Variants in CACNA1E observed in about 807,000 individuals in gnomAD.
CACNA1E encodes voltage-dependent R-type calcium channel subunit alpha-1E.
A neutral mutation model predicts 259.2 loss-of-function variants in CACNA1E; 40 were observed. The observed-to-expected ratio is 0.15, with a 90% confidence interval of 0.12 to 0.20. The LOEUF is 0.20. Ranked by LOEUF, CACNA1E falls within the 10% of genes least tolerant of loss-of-function variation. The pLI, the probability that CACNA1E is intolerant of heterozygous loss-of-function variation, is 1.00. For synonymous variants in CACNA1E, 1,104 were observed against 1,138.5 expected, an observed-to-expected ratio of 0.97 and a Z score of 0.61; for missense variants, 1,874 against 3,040.1, an observed-to-expected ratio of 0.62 and a Z score of 9.02.
chr1:181,328,907 C>T (rs531115822), intron 1 of CACNA1E, among the ~76,000 whole-genome samples: 1 of 152,160 alleles, frequency 6.6e-6, no homozygotes, highest in African/African-American at 2.4e-5. Context: ...AGTGTCATTA[C>T]TCAAAGAATT....
At chr1:181,699,520 A>G (rs918419350) in intron 7 of CACNA1E, among the ~76,000 whole-genome samples, 1 of 152,212 alleles carries the variant, frequency 6.6e-6, no homozygotes, top group Non-Finnish European at 1.5e-5. Flanking sequence ...TTGTATTTTA[A>G]CAATGAGAAG....
At chr1:181,706,228 T>A (rs1438951105) in intron 7 of CACNA1E, among the ~76,000 whole-genome samples, 2 of 152,174 alleles carry the variant, frequency 1.3e-5, no homozygotes, top group African/African-American at 4.8e-5. Flanking sequence ...ATGAGCTGCC[T>A]TTCAGTGGGG....
At chr1:181,682,693 T>C (rs1234496783) in intron 7 of CACNA1E, among the ~76,000 whole-genome samples, 1 of 152,140 alleles carries the variant, frequency 6.6e-6, no homozygotes, top group African/African-American at 2.4e-5. Context: ...AAACTTACAA[T>C]TGTGGCAGAA....
chr1:181,461,740 C>A (rs1051206994), intron 2 of CACNA1E, among the ~76,000 whole-genome samples: 4 of 151,484 alleles, frequency 2.6e-5, no homozygotes, highest in African/African-American at 9.7e-5. Flanking sequence ...CTGATGTGAA[C>A]AACTCATATG....
At chr1:181,755,839 A>T in intron 28 of CACNA1E, 117 bp from the exon 29 acceptor site, 2 of 1,079,596 alleles carry the variant, frequency 1.9e-6, no homozygotes, top group Non-Finnish European at 2.6e-6. Context: ...CTTTTGCCTT[A>T]CACATGTATG....
chr1:181,782,148 C>T (rs1660484374), intron 39 of CACNA1E, among the ~76,000 whole-genome samples: 1 of 152,228 alleles, frequency 6.6e-6, no homozygotes, highest in African/African-American at 2.4e-5. Flanking sequence ...CTCTATTCCA[C>T]TAGCCCAGCT....
chr1:181,623,318 A>G (rs1161252931), intron 6 of CACNA1E, among the ~76,000 whole-genome samples: 2 of 152,242 alleles, frequency 1.3e-5, no homozygotes, highest in African/African-American at 4.8e-5. Context: ...TAACAAAATA[A>G]GTTCCTTAAG....
intron 3 of CACNA1E, among the ~76,000 whole-genome samples, chr1:181,540,717 C>T (rs911531449): frequency 1.3e-5 from 2 of 152,178 alleles, no homozygotes; most frequent in Non-Finnish European, 2.9e-5. Flanking sequence ...AAAGTCTCCC[C>T]TAGTTTACTG....
chr1:181,529,804 A>G (rs768536719), intron 3 of CACNA1E, among the ~76,000 whole-genome samples: 1 of 152,178 alleles, frequency 6.6e-6, no homozygotes, highest in Admixed American at 6.5e-5. Context: ...CCTCCATTGT[A>G]TCTGGGAAGT....
intron 3 of CACNA1E, among the ~76,000 whole-genome samples, chr1:181,532,059 A>AAAAAG (rs982589059): frequency 6.6e-5 from 10 of 152,160 alleles, no homozygotes; most frequent in Admixed American, 2.6e-4. Flanking sequence ...TCATCTCAAA[A>AAAAAG]AAAAGAAAAG....
chr1:181,485,366 C>T lies in CACNA1E; in HGVS notation c.266+1356C>T, dbSNP rs1663714499. Reference sequence around the variant, plus strand: ...GGCCTTCCCCTTCTTCTCTAGTTCCCTGCCTCAGCAGCTCGGTGATTGGCT... The same window carrying T: ...GGCCTTCCCCTTCTTCTCTAGTTCCTTGCCTCAGCAGCTCGGTGATTGGCT... On this transcript the variant is annotated intron_variant, in intron 1 of 47. Transcript: ENST00000367573. The surrounding 1 kb of genome is among the most constrained non-coding windows in gnomAD (Gnocchi z 4.2). Among the ~76,000 whole-genome samples the T allele has an allele frequency of 6.6e-6, 1 of 152,208 alleles. No individual in the cohort carries two copies. The highest frequency in any genetic ancestry group is 2.4e-5 in the African/African-American group (1 of 41,446).
At chr1:181,388,820 T>G (rs982493445) in intron 1 of CACNA1E, among the ~76,000 whole-genome samples, 57 of 151,262 alleles carry the variant, frequency 3.8e-4, no homozygotes, top group African/African-American at 1.3e-3. Flanking sequence ...GAACTTGGGG[T>G]GTGGAGGTTG....
At chr1:181,596,599 C>CGTGTGTGTGTGT in intron 6 of CACNA1E, among the ~76,000 whole-genome samples, 3 of 78,286 alleles carry the variant, frequency 3.8e-5, no homozygotes, top group Non-Finnish European at 7.0e-5. Context: ...TGTGTGTGTA[C>CGTGTGTGTGTGT]ACACACATAT....
rs1655899881 is a variant in CACNA1E, at chr1:181,386,961, G to A, written c.-14-26172G>A. ...CCTCATCGCAGGCCACATGGCCTGA[G>A]TTCATTGAATAACTTTTGTTCGATT... On this transcript the variant is annotated intron_variant, in intron 1 of 11. Coordinates refer to the CACNA1E transcript ENST00000524607. Among the ~76,000 whole-genome samples the A allele has an allele frequency of 7.2e-5, 11 of 152,316 alleles. No homozygotes were observed. In the South Asian group the frequency reaches 1.9e-3, roughly 26 times the overall value.
Position 181,614,880 on chromosome 1 carries a change from C to T in CACNA1E, c.951+34104C>T, listed in dbSNP as rs199961. 3.0e-3 allele frequency among the ~76,000 whole-genome samples: 458 copies of T among 152,184 alleles called. 11 individuals are homozygous for T. In the East Asian group the frequency reaches 0.057, roughly 19 times the overall value. On this transcript the variant is annotated intron_variant, in intron 6 of 47. Transcript: ENST00000367573. Reference sequence around the variant, plus strand: ...GTAAGTTTTTTCAAATTGTTGCAAACGTCCAAATTTTTTTTCCAATATATT... The same window carrying T: ...GTAAGTTTTTTCAAATTGTTGCAAATGTCCAAATTTTTTTTCCAATATATT...
chr1:181,784,475 G>A (rs1235051111), intron 40 of CACNA1E, among the ~76,000 whole-genome samples, 186 bp from the exon 41 acceptor site: 1 of 152,144 alleles, frequency 6.6e-6, no homozygotes, highest in Non-Finnish European at 1.5e-5. Context: ...CTGAAAAAGG[G>A]AGCCAAAATG....
intron 1 of CACNA1E, among the ~76,000 whole-genome samples, chr1:181,325,844 C>A (rs553872186): frequency 1.3e-5 from 2 of 152,282 alleles, no homozygotes; most frequent in African/African-American, 4.8e-5. Context: ...CGGAACTCCT[C>A]CCTTCCTGTT....
intron 36 of CACNA1E, 141 bp downstream of exon 36, chr1:181,771,525 C>A (rs1659512941): frequency 4.8e-6 from 3 of 622,410 alleles, no homozygotes; most frequent in Admixed American, 2.6e-5. Context: ...CAGGCAATGT[C>A]TTTGCCAAAC....
chr1:181,340,541 T>C (rs2102630650), intron 1 of CACNA1E, among the ~76,000 whole-genome samples: 1 of 152,336 alleles, frequency 6.6e-6, no homozygotes, highest in Non-Finnish European at 1.5e-5. Flanking sequence ...TCTTTATTCA[T>C]GAATGTGGTA....
Sources: allele counts gnomAD v4.1 joint callset (sites outside exome capture counted in the v4.1 genomes callset), GRCh38; gene constraint gnomAD v4.1.1; non-coding constraint Gnocchi (gnomAD v3.1); transcripts MANE v1.5; gene names NCBI Gene and HGNC (gene_info 2026-07-23, HGNC 2026-07-21).